The following TPP2 variants were observed in gnomAD, a reference collection of about 807,000 sequenced individuals.
TPP2 encodes tripeptidyl peptidase 2.
A neutral mutation model predicts 155.9 loss-of-function variants in TPP2; 34 were observed. That is an observed-to-expected ratio of 0.22 (90% CI 0.17 to 0.29). The LOEUF is 0.29. Ranked by LOEUF, TPP2 falls within the 10% of genes least tolerant of loss-of-function variation. TPP2 has a pLI of 1.00. For synonymous variants in TPP2, 510 were observed against 529.4 expected, an observed-to-expected ratio of 0.96 and a Z score of 0.50; for missense variants, 1,028 against 1,522.3, an observed-to-expected ratio of 0.68 and a Z score of 5.40.
intron 24 of TPP2, among the ~76,000 whole-genome samples, chr13:102,655,183 A>G (rs756421256): frequency 6.6e-6 from 1 of 152,218 alleles, no homozygotes; most frequent in African/African-American, 2.4e-5. Context: ...AACTACAACC[A>G]TAGTTCCTGT....
At chr13:102,664,289 T>A (rs1884441933) in intron 26 of TPP2, among the ~76,000 whole-genome samples, 1 of 152,210 alleles carries the variant, frequency 6.6e-6, no homozygotes, top group Non-Finnish European at 1.5e-5. Context: ...AGCAAATTGT[T>A]GGGAACATCA....
intron 2 of TPP2, among the ~76,000 whole-genome samples, chr13:102,610,602 T>C (rs1013283416): frequency 1.3e-5 from 2 of 152,224 alleles, no homozygotes; most frequent in South Asian, 2.1e-4. Context: ...TAACAGACTT[T>C]TATTTTTCTG....
intron 10 of TPP2, among the ~76,000 whole-genome samples, chr13:102,632,118 G>T (rs117703995): frequency 4.6e-5 from 7 of 152,156 alleles, no homozygotes; most frequent in Non-Finnish European, 7.3e-5. Flanking sequence ...GCTGGGCATG[G>T]TGGTGGGTGC....
intron 13 of TPP2, 76 bp downstream of exon 13, chr13:102,636,468 C>G (rs759484090): frequency 1.8e-5 from 27 of 1,477,208 alleles, no homozygotes; most frequent in Non-Finnish European, 2.4e-5. Context: ...TAAAGAATTG[C>G]TGTTTGGGCC....
intron 2 of TPP2, among the ~76,000 whole-genome samples, chr13:102,606,424 C>T (rs1879835577): frequency 6.6e-6 from 1 of 152,180 alleles, no homozygotes; most frequent in South Asian, 2.1e-4. Context: ...CAGGGTCTCA[C>T]AAGACTGCAG....
At chr13:102,601,314 A>G (rs1025331846) in intron 1 of TPP2, among the ~76,000 whole-genome samples, 13 of 152,358 alleles carry the variant, frequency 8.5e-5, no homozygotes, top group Non-Finnish European at 1.8e-4. Context: ...ATTTTAAGTC[A>G]ACTCATTAAC....
chr13:102,604,666 A>T (rs1879681909), intron 1 of TPP2, 127 bp from the exon 2 acceptor site: 1 of 1,125,424 alleles, frequency 8.9e-7, no homozygotes, highest in African/African-American at 1.6e-5. Flanking sequence ...GGCTTAAAAC[A>T]GTTCAGTTCT....
intron 26 of TPP2, 118 bp downstream of exon 26, chr13:102,663,862 A>G: frequency 1.3e-6 from 1 of 779,434 alleles, no homozygotes; most frequent in South Asian, 2.3e-5. Flanking sequence ...TGTTTTCTCA[A>G]ATTGAATGTT....
intron 4 of TPP2, among the ~76,000 whole-genome samples, chr13:102,617,392 C>T (rs993881175): frequency 2.0e-5 from 3 of 152,182 alleles, no homozygotes; most frequent in African/African-American, 7.2e-5. Context: ...ATCTCTAAGT[C>T]ACCTGAATTA....
intron 10 of TPP2, among the ~76,000 whole-genome samples, chr13:102,632,486 C>T (rs1440092788): frequency 6.6e-5 from 10 of 152,048 alleles, no homozygotes; most frequent in South Asian, 2.1e-4. Flanking sequence ...GTGATCTGCC[C>T]GCCTCGGCCT....
At chr13:102,625,406 C>G (rs532835206) in intron 6 of TPP2, among the ~76,000 whole-genome samples, 2 of 151,978 alleles carry the variant, frequency 1.3e-5, no homozygotes, top group South Asian at 4.2e-4. Flanking sequence ...CCTCGTGATC[C>G]GCCCGCCTCG....
chr13:102,642,522 T>C (rs1166041717), intron 16 of TPP2, among the ~76,000 whole-genome samples: 1 of 152,128 alleles, frequency 6.6e-6, no homozygotes, highest in Non-Finnish European at 1.5e-5. Context: ...ATTAGAAATA[T>C]TGTCATAACA....
chr13:102,635,708 G>A lies in TPP2; in HGVS notation c.1509+6G>A, dbSNP rs373062846. 6.9e-6 allele frequency: 11 copies of A among 1,598,496 alleles called. No homozygotes were observed. The highest frequency in any genetic ancestry group is 9.4e-6 in the Non-Finnish European group (11 of 1,168,320). Reference sequence around the variant, plus strand: ...AAGGACATGGTATTATTCAGGTATTGTTGCCTATATGAAAAATGGGTTGTA... The same window carrying A: ...AAGGACATGGTATTATTCAGGTATTATTGCCTATATGAAAAATGGGTTGTA... On this transcript the variant is annotated splice_donor_region_variant and intron_variant, in intron 12 of 29. Coordinates refer to ENST00000376052, the MANE Select transcript of TPP2 (RefSeq NM_001330588.2).
chr13:102,658,537 A>C (rs776496177), intron 25 of TPP2, among the ~76,000 whole-genome samples: 13 of 152,252 alleles, frequency 8.5e-5, no homozygotes, highest in Non-Finnish European at 1.8e-4. Context: ...AAAACTAGTG[A>C]AAATTATTTA....
At chr13:102,603,812 G>A (rs995515284) in intron 1 of TPP2, among the ~76,000 whole-genome samples, 22 of 152,246 alleles carry the variant, frequency 1.4e-4, no homozygotes, top group African/African-American at 4.8e-4. Flanking sequence ...GGAATTTTCA[G>A]GTTAGGGTCA....
intron 22 of TPP2, 41 bp from the exon 23 acceptor site, chr13:102,649,367 C>T (rs377589275): frequency 1.3e-5 from 20 of 1,576,782 alleles, no homozygotes; most frequent in Non-Finnish European, 1.6e-5. Flanking sequence ...GTGAAACTTT[C>T]TCTTTTGTTG....
Position 102,676,297 on chromosome 13 carries a change from T to C in TPP2, c.3581T>C (p.Val1194Ala). ...GCTTTATCATGTTTTACATTGTAGG[T>C]TTTGACATTTGCATATAAACATGCA... ...TKWTDLFDNK[V>A]LTFAYKHALV... The change falls in exon 29 of 30, where the codon GTT (valine) becomes GCT (alanine). Residue 1194 changes from valine to alanine, a missense_variant and splice_region_variant. By Grantham distance (64) the Val-to-Ala change is moderately conservative (BLOSUM62 0). Transcript: ENST00000376052. The C allele has an allele frequency of 4.4e-6, 7 of 1,594,472 alleles. No individual in the cohort carries two copies.
chr13:102,619,710 TG>T (rs59885254), intron 5 of TPP2, among the ~76,000 whole-genome samples: 22,766 of 152,202 alleles, frequency 0.15, 2,048 homozygotes, highest in African/African-American at 0.25. Flanking sequence ...CTGCTCAATT[TG>T]GGGATGATGG....
At chr13:102,645,074 TA>T in intron 19 of TPP2, 65 bp downstream of exon 19, 4 of 1,441,696 alleles carry the variant, frequency 2.8e-6, no homozygotes, top group East Asian at 2.3e-5. Context: ...CTTACACTCT[TA>T]AAAAAGGGCC....
Sources: gnomAD v4.1 joint callset for allele counts (sites outside exome capture counted in the v4.1 genomes callset) on GRCh38, gnomAD v4.1.1 for gene constraint, MANE v1.5 for transcripts, NCBI Gene and HGNC (gene_info 2026-07-23, HGNC 2026-07-21) for gene names.